Variants in DOCK1 observed in about 807,000 individuals in gnomAD.
The protein encoded by DOCK1 is dedicator of cytokinesis protein 1.
Under a neutral mutation model 262.7 loss-of-function variants are expected in DOCK1, and 138 were observed. The observed-to-expected ratio is 0.53, with a 90% CI of 0.46 to 0.61. The LOEUF (loss-of-function observed/expected upper bound fraction) is 0.61, where lower values mean the gene tolerates loss of function less well. Ranked by LOEUF, DOCK1 falls within the 20% of genes least tolerant of loss-of-function variation. DOCK1 has a pLI of 0.00. For missense variants in DOCK1, 1,908 were observed against 2,370.7 expected, an observed-to-expected ratio of 0.80 and a Z score of 4.05; for synonymous variants, 866 against 867.4, an observed-to-expected ratio of 1.00 and a Z score of 0.03.
rs188221882 is a variant in DOCK1, at chr10:126,927,465, G to T, written c.46+21902G>T. Among the ~76,000 whole-genome samples the T allele has an allele frequency of 4.5e-4, 69 of 152,012 alleles. 1 individual carries two copies. The highest frequency in any genetic ancestry group is 2.1e-3 in the South Asian group (10 of 4,814). ...CTCATTCTTTTTTTTTTGAGACAGG[G>T]TCTCACTCTGTCGCTCAGGCTGGAG... On this transcript the variant is annotated intron_variant, in intron 1 of 51. Transcript: ENST00000623213.
At chr10:127,047,871 A>G (rs1418227508) in intron 21 of DOCK1, among the ~76,000 whole-genome samples, 2 of 152,136 alleles carry the variant, frequency 1.3e-5, no homozygotes, top group Non-Finnish European at 2.9e-5. Context: ...TCTGAGCAGT[A>G]TTTTATTGTA....
At chr10:127,285,179 A>G (rs138600423) in intron 29 of DOCK1, among the ~76,000 whole-genome samples, 2 of 152,286 alleles carry the variant, frequency 1.3e-5, no homozygotes, top group African/African-American at 4.8e-5. Context: ...TCTCTGTTTT[A>G]CTATTCATTT....
At chr10:126,928,087 A>C (rs1328239883) in intron 1 of DOCK1, among the ~76,000 whole-genome samples, 2 of 152,232 alleles carry the variant, frequency 1.3e-5, no homozygotes, top group African/African-American at 4.8e-5. Flanking sequence ...TGGGAACGGC[A>C]CATCCTAGCC....
At chr10:127,345,592 G>A (rs1479708138) in intron 31 of DOCK1, among the ~76,000 whole-genome samples, 1 of 152,218 alleles carries the variant, frequency 6.6e-6, no homozygotes, top group Non-Finnish European at 1.5e-5. Context: ...TCATTGTTCA[G>A]AAACAAGAAA....
intron 49 of DOCK1, among the ~76,000 whole-genome samples, chr10:127,440,226 AG>A (rs2070012737): frequency 6.6e-6 from 1 of 151,878 alleles, no homozygotes; most frequent in African/African-American, 2.4e-5. Context: ...TGATAGAATG[AG>A]GACCCACTCA....
chr10:126,944,691 G>A (rs1319680123), intron 1 of DOCK1, among the ~76,000 whole-genome samples: 1 of 152,108 alleles, frequency 6.6e-6, no homozygotes, highest in Non-Finnish European at 1.5e-5. Flanking sequence ...TGCAGGGCAC[G>A]TATCAGTGGC....
intron 1 of DOCK1, among the ~76,000 whole-genome samples, chr10:126,932,619 G>A (rs943906696): frequency 6.6e-6 from 1 of 152,096 alleles, no homozygotes; most frequent in Non-Finnish European, 1.5e-5. Context: ...GGGAAACAAG[G>A]CCCAGCAGTG....
At position 126,941,640 on chromosome 10, in the gene DOCK1, C is replaced by CA. The variant is rs1554958894; in HGVS notation, c.47-29062_47-29061insA. On this transcript the variant is annotated intron_variant, in intron 1 of 51. Coordinates refer to ENST00000623213, the MANE Select transcript of DOCK1 (RefSeq NM_001290223.2). ...GCGTGGTGGCGGGTGCCTGTAGTCC[C>CA]GCTACTCGGGAGGCTGAGGCAGGAG... Among the ~76,000 whole-genome samples, 564 of 152,158 alleles carry CA rather than the reference C, an allele frequency of 3.7e-3. 4 individuals are homozygous for CA. Among genetic ancestry groups the CA allele is most frequent in the Middle Eastern group, 0.01 (3 of 292 alleles).
At chr10:126,940,272 G>A (rs1378040940) in intron 1 of DOCK1, among the ~76,000 whole-genome samples, 2 of 152,150 alleles carry the variant, frequency 1.3e-5, no homozygotes, top group Non-Finnish European at 2.9e-5. Context: ...GGAGTTGATT[G>A]AGAATAATTT....
At chr10:127,413,091 T>C (rs1465645188) in intron 43 of DOCK1, among the ~76,000 whole-genome samples, 2 of 152,180 alleles carry the variant, frequency 1.3e-5, no homozygotes, top group African/African-American at 4.8e-5. Flanking sequence ...CTAGTGTTTA[T>C]ATGGAGTCCC....
chr10:127,403,026 CTCTTTCTTT>C lies in DOCK1; in HGVS notation c.3928-23_3928-15del. 6.3e-7 allele frequency: 1 copy of C among 1,586,000 alleles called. No homozygotes were observed. The highest frequency in any genetic ancestry group is 8.6e-7 in the Non-Finnish European group (1 of 1,166,258). The stretch of plus-strand genomic sequence containing the variant: ...CTTTGCACAATTCAGGCCTCGGCTT[CTCTTTCTTT>C]TCTTTATTTTAACTCACAGATGTGG... On this transcript the variant is annotated intron_variant, in intron 38 of 51. Transcript: ENST00000623213.
Position 126,929,539 on chromosome 10 carries a change from G to A in DOCK1, c.46+23976G>A, listed in dbSNP as rs2034026327. Among the ~76,000 whole-genome samples, 3 of 152,184 alleles carry A rather than the reference G, an allele frequency of 2.0e-5. No homozygotes were observed. In the East Asian group the frequency reaches 5.8e-4, roughly 30 times the overall value. On this transcript the variant is annotated intron_variant, in intron 1 of 51. Transcript: ENST00000623213. Reference sequence around the variant, plus strand: ...AGGCTCCTGGCGAGCCTTGGAGGACGCCGAGGATGTGGAGGGAAGCAGAGG... The same window carrying A: ...AGGCTCCTGGCGAGCCTTGGAGGACACCGAGGATGTGGAGGGAAGCAGAGG...
At chr10:127,026,650 C>T in intron 16 of DOCK1, 1 of 559,390 alleles carries the variant, frequency 1.8e-6, no homozygotes. Flanking sequence ...TGTTGCTGGT[C>T]CCCTTCTTTC....
At chr10:126,922,447 C>A (rs940482018) in intron 1 of DOCK1, among the ~76,000 whole-genome samples, 2 of 151,988 alleles carry the variant, frequency 1.3e-5, no homozygotes, top group Non-Finnish European at 1.5e-5. Flanking sequence ...GTCTTAGAAT[C>A]TTTTAGTTTT....
intron 33 of DOCK1, among the ~76,000 whole-genome samples, chr10:127,372,414 A>G (rs565020696): frequency 1.3e-5 from 2 of 152,332 alleles, no homozygotes; most frequent in African/African-American, 4.8e-5. Context: ...GGCCTGGCCA[A>G]GAATGCAGGT....
chr10:127,153,692 G>C (rs780248019), intron 27 of DOCK1, among the ~76,000 whole-genome samples: 4 of 152,158 alleles, frequency 2.6e-5, no homozygotes, highest in Non-Finnish European at 5.9e-5. Flanking sequence ...TACTTGGGGT[G>C]GGGTATTTAG....
intron 1 of DOCK1, among the ~76,000 whole-genome samples, chr10:126,945,472 GGAGAGA>G (rs1246507350): frequency 5.4e-5 from 8 of 149,442 alleles, no homozygotes; most frequent in African/African-American, 2.0e-4. Context: ...AGAGAGAGAG[GGAGAGA>G]GAGAGAGAGA....
chr10:126,924,297 TA>T (rs2033490313), intron 1 of DOCK1, among the ~76,000 whole-genome samples: 1 of 88,882 alleles, frequency 1.1e-5, no homozygotes, highest in Non-Finnish European at 2.2e-5. Flanking sequence ...TGGAACTCAG[TA>T]GGGGGAGGCT....
chr10:127,169,782 G>C (rs1589748836), intron 27 of DOCK1, among the ~76,000 whole-genome samples: 2 of 152,162 alleles, frequency 1.3e-5, no homozygotes, highest in African/African-American at 2.4e-5. Flanking sequence ...ATGAGACTAA[G>C]TCCTTACCTC....
Sources: allele counts gnomAD v4.1 joint callset (sites outside exome capture counted in the v4.1 genomes callset), GRCh38; gene constraint gnomAD v4.1.1; transcripts MANE v1.5; gene names NCBI Gene and HGNC (gene_info 2026-07-23, HGNC 2026-07-21).